The following ASB14 variants were observed in gnomAD, a reference collection of about 807,000 sequenced individuals.
ASB14 encodes the protein ankyrin repeat and SOCS box containing 14, also known as ankyrin repeat and SOCS box protein 14.
In ASB14, 63 loss-of-function variants were observed where a neutral mutation model predicts 55.6. That is an observed-to-expected ratio of 1.13 (90% CI 0.92 to 1.40). The LOEUF is 1.40. Among genes scored for constraint, ASB14 ranks in the 40% most tolerant of loss-of-function variants. The probability of loss-of-function intolerance (pLI) is 0.00; values close to 1 mark genes in which losing one functional copy is unlikely to be tolerated. For missense variants in ASB14, 724 were observed against 710.4 expected, an observed-to-expected ratio of 1.02 and a Z score of -0.22; for synonymous variants, 256 against 259.9, an observed-to-expected ratio of 0.98 and a Z score of 0.15.
In ASB14 at chr3:57,280,358, G is replaced by C. The variant is rs991523472; in HGVS notation, c.831C>G (p.Ile277Met). Reference protein sequence around the residue: ...LLLEYGADANIPKNSGHLPIH... With the variant: ...LLLEYGADANMPKNSGHLPIH... ...TGGGCAGGTGGCCTGAATTCTTAGG[G>C]ATGTTGGCATCAGCTCCATACTCCA... is the stretch of plus-strand genomic sequence containing the variant. The change falls in exon 7 of 11, where the codon ATC becomes ATG. Residue 277 changes from isoleucine (I) to methionine (M), a missense_variant. Coordinates refer to ENST00000487349, the MANE Select transcript of ASB14 (RefSeq NM_001142733.3). The C allele has an allele frequency of 1.2e-5, 18 of 1,551,080 alleles. No individual in the cohort carries two copies. In the Middle Eastern group the frequency reaches 1.2e-3, roughly 100 times the overall value.
chr3:57,272,959 A>AAAT (rs2060954855), intron 10 of ASB14: 1 of 152,604 alleles, frequency 6.6e-6, no homozygotes, highest in Non-Finnish European at 1.5e-5. Context: ...ATTGTATTTT[A>AAAT]AATACTTAAA....
intron 10 of ASB14, chr3:57,272,961 A>ATACT (rs1226487991): frequency 1.3e-5 from 2 of 152,582 alleles, no homozygotes; most frequent in African/African-American, 4.8e-5. Context: ...TGTATTTTAA[A>ATACT]TACTTAAACA....
chr3:57,279,198 G>C (rs112188210), intron 7 of ASB14, among the ~76,000 whole-genome samples: 6 of 151,074 alleles, frequency 4.0e-5, no homozygotes, highest in Non-Finnish European at 8.8e-5. Context: ...ATATCTCTTC[G>C]GTGGCTTCAG....
chr3:57,287,191 A>G (rs2061087092), intron 5 of ASB14, among the ~76,000 whole-genome samples: 1 of 152,212 alleles, frequency 6.6e-6, no homozygotes, highest in African/African-American at 2.4e-5. Flanking sequence ...GAGACTAAAA[A>G]GCTGGTTGGA....
chr3:57,268,407 G>A lies in ASB14; in HGVS notation c.*1234C>T, dbSNP rs1311660596. ...TTCATCTGTTCTTTAGGATCGTAGG[G>A]CATCAGAAAAACAAAAAGAAATAGA... is the stretch of plus-strand genomic sequence containing the variant. On this transcript the variant is annotated 3_prime_UTR_variant, in exon 11 of 11. Transcript: ENST00000487349. 1.3e-6 allele frequency: 2 copies of A among 1,578,564 alleles called. No individual in the cohort carries two copies. The highest frequency in any genetic ancestry group is 2.3e-5 in the East Asian group (1 of 44,418).
intron 5 of ASB14, among the ~76,000 whole-genome samples, chr3:57,287,259 T>C (rs568504385): frequency 1.3e-5 from 2 of 152,312 alleles, no homozygotes; most frequent in Non-Finnish European, 2.9e-5. Flanking sequence ...GTTGATATGT[T>C]TGGGCCACTT....
At chr3:57,288,105 A>G in intron 4 of ASB14, 46 bp from the exon 5 acceptor site, 2 of 1,535,344 alleles carry the variant, frequency 1.3e-6, no homozygotes, top group Middle Eastern at 1.7e-4. Context: ...ATAGAAATGA[A>G]TGTTAAATTT....
intron 8 of ASB14, 114 bp from the exon 9 acceptor site, chr3:57,278,034 C>G: frequency 1.0e-6 from 1 of 961,680 alleles, no homozygotes; most frequent in South Asian, 1.8e-5. Context: ...AGAAAAATGT[C>G]TCAAAAATGG....
chr3:57,284,088 C>CTG (rs1181255575), intron 5 of ASB14, among the ~76,000 whole-genome samples: 35 of 41,396 alleles, frequency 8.5e-4, no homozygotes, highest in South Asian at 2.3e-3. Context: ...CTTGGGAACA[C>CTG]TGTGTATGTG....
At chr3:57,282,724 C>A (rs1245698851) in intron 6 of ASB14, among the ~76,000 whole-genome samples, 1 of 152,196 alleles carries the variant, frequency 6.6e-6, no homozygotes, top group African/African-American at 2.4e-5. Flanking sequence ...CTTTCCCCTT[C>A]CCTTGGAGTT....
chr3:57,277,793 A>T lies in ASB14; in HGVS notation c.1559T>A (p.Ile520Asn). ...TAAGATAAAATGTATTTCTGACCAG[A>T]TCCCCTGTTTTTGGAGCACAGCTTT... ...KLKAVLQKQG[I>N]WSEIHFILTN... Residue 520 changes from isoleucine (I) to asparagine (N), a missense_variant, in exon 9 of 11, where the codon ATC (isoleucine) becomes AAC (asparagine). By Grantham distance (149) the Ile-to-Asn change is moderately radical (BLOSUM62 -3). Transcript: ENST00000487349. 6.2e-7 allele frequency: 1 copy of T among 1,612,564 alleles called. No homozygotes were observed. The highest frequency in any genetic ancestry group is 8.5e-7 in the Non-Finnish European group (1 of 1,179,576).
rs1297799190 is a variant in ASB14, at chr3:57,276,812, A to G, written c.1586-84T>C. ...GGTTTTGTTAGCAAACGTATTTGAT[A>G]GCATTTCATTTGCTGTTACTAAATG... On this transcript the variant is annotated intron_variant, in intron 9 of 10. Coordinates refer to ENST00000487349, the MANE Select transcript of ASB14 (RefSeq NM_001142733.3). 9 of 1,314,164 alleles carry G rather than the reference A, an allele frequency of 6.8e-6. No homozygotes were observed. In the East Asian group the frequency reaches 1.4e-4, roughly 21 times the overall value. 81.4% of individuals were successfully genotyped at this position (1,314,164 alleles called of 1,614,324 possible). A position where few individuals can be genotyped will look rare whatever the true frequency, so the allele number is the denominator to read the frequency against.
At chr3:57,272,631 G>C (rs1306616531) in intron 10 of ASB14, 1 of 152,164 alleles carries the variant, frequency 6.6e-6, no homozygotes, top group Non-Finnish European at 1.5e-5. Flanking sequence ...ACAGAGTCTT[G>C]CTCTGTTGCC....
intron 5 of ASB14, among the ~76,000 whole-genome samples, chr3:57,285,461 AAAT>A (rs1292116784): frequency 6.6e-5 from 10 of 152,130 alleles, no homozygotes; most frequent in Non-Finnish European, 1.2e-4. Context: ...TTACCATAGA[AAAT>A]GAGGATTTAA....
At position 57,278,529 on chromosome 3, in the gene ASB14, G is replaced by C. The variant is rs149558373; in HGVS notation, c.1279C>G (p.Leu427Val). ...RVNPLHFPSA[L>V]QYTLKDEVML... ...ACTTCATCTTTCAGAGTGTATTGCA[G>C]TGCTGATGGGAAATGTAAAGGGTTA... Residue 427 changes from leucine to valine, a missense_variant, in exon 8 of 11, where the codon CTG becomes GTG. By Grantham distance (32) the Leu-to-Val change is conservative (BLOSUM62 1). Transcript: ENST00000487349. 6 of 1,614,088 alleles carry C rather than the reference G, an allele frequency of 3.7e-6. No individual in the cohort carries two copies. The highest frequency in any genetic ancestry group is 5.1e-6 in the Non-Finnish European group (6 of 1,180,038).
intron 3 of ASB14, 49 bp downstream of exon 3, chr3:57,289,019 A>C (rs751909954): frequency 7.3e-7 from 1 of 1,379,294 alleles, no homozygotes; most frequent in South Asian, 1.3e-5. Flanking sequence ...CATCCAGCCA[A>C]TGTCACCGTC....
At chr3:57,282,573 C>G (rs892983353) in intron 6 of ASB14, among the ~76,000 whole-genome samples, 1 of 152,148 alleles carries the variant, frequency 6.6e-6, no homozygotes, top group Non-Finnish European at 1.5e-5. Context: ...GGAAGTCCTG[C>G]AGCTGGTACC....
chr3:57,276,667 T>G lies in ASB14; in HGVS notation c.1647A>C (p.Leu549Phe). ...ACATGAAGACAGGGCAGCGCAAATGTAACCGTCCCATGCATTTCCGGATCT... is the reference window on the plus strand; with the variant it reads ...ACATGAAGACAGGGCAGCGCAAATGGAACCGTCCCATGCATTTCCGGATCT... ...RLKIRKCMGR[L>F]HLRCPVFMSF... The change falls in exon 10 of 11, where the codon TTA becomes TTC. Residue 549 changes from leucine (L) to phenylalanine (F), a missense_variant. Transcript: ENST00000487349. 1.2e-6 allele frequency: 2 copies of G among 1,614,080 alleles called. No individual in the cohort carries two copies. The highest frequency in any genetic ancestry group is 1.7e-6 in the Non-Finnish European group (2 of 1,179,968).
rs201061500 is a variant in ASB14 at position 57,278,537 on chromosome 3, G to A, written c.1271C>T (p.Pro424Leu). 1.3e-4 allele frequency: 207 copies of A among 1,614,028 alleles called. 2 individuals carry two copies. Among genetic ancestry groups the A allele is most frequent in the Non-Finnish European group, 3.6e-5 (43 of 1,180,032 alleles). ...TTTCAGAGTGTATTGCAGTGCTGATGGGAAATGTAAAGGGTTAACTCTGCA... is the reference window on the plus strand; with the variant it reads ...TTTCAGAGTGTATTGCAGTGCTGATAGGAAATGTAAAGGGTTAACTCTGCA... ...YFCRVNPLHF[P>L]SALQYTLKDE... is the part of the protein sequence containing the mutation. Residue 424 changes from proline (P) to leucine (L), a missense_variant, in exon 8 of 11, where the codon CCA becomes CTA. Physicochemically the swap from Pro to Leu is moderately conservative, Grantham distance 98. Transcript: ENST00000487349.
Sources: allele counts gnomAD v4.1 joint callset (sites outside exome capture counted in the v4.1 genomes callset), GRCh38; gene constraint gnomAD v4.1.1; transcripts MANE v1.5; gene names NCBI Gene and HGNC (gene_info 2026-07-23, HGNC 2026-07-21).